The following CAMTA1 variants were observed in gnomAD, a reference collection of about 807,000 sequenced individuals.
CAMTA1 encodes the protein calmodulin-binding transcription activator 1.
Under a neutral mutation model 170.9 loss-of-function variants are expected in CAMTA1, and 27 were observed. That is an observed-to-expected ratio of 0.16 (90% confidence interval 0.12 to 0.22). The LOEUF (loss-of-function observed/expected upper bound fraction) is 0.22. Among genes scored for constraint, CAMTA1 ranks in the 10% least tolerant of loss-of-function variants. CAMTA1 has a pLI of 1.00. For missense variants in CAMTA1, 1,619 were observed against 2,217.2 expected (o/e 0.73, Z 5.42); for synonymous variants, 833 against 891.5 (o/e 0.93, Z 1.17).
intron 6 of CAMTA1, among the ~76,000 whole-genome samples, chr1:7,605,770 G>A (rs763826741): frequency 2.5e-4 from 38 of 152,310 alleles, no homozygotes; most frequent in Admixed American, 7.2e-4. Context: ...TGTCTTCTGC[G>A]TCGCTCATGC....
At chr1:6,826,898 A>C (rs1208668256) in intron 3 of CAMTA1, among the ~76,000 whole-genome samples, 1 of 152,236 alleles carries the variant, frequency 6.6e-6, no homozygotes, top group East Asian at 1.9e-4. Context: ...AACTTTTTGA[A>C]ACTTTTCAGC....
chr1:6,860,952 G>A (rs1320294065), intron 3 of CAMTA1, among the ~76,000 whole-genome samples: 12 of 150,298 alleles, frequency 8.0e-5, no homozygotes, highest in African/African-American at 2.9e-4. Context: ...GTCAGAAGTG[G>A]AGTGTGACTT....
chr1:7,256,459 CT>C lies in CAMTA1; in HGVS notation c.438+6834del, dbSNP rs1424488495. Among the ~76,000 whole-genome samples, 3 of 152,330 alleles carry C rather than the reference CT, an allele frequency of 2.0e-5. No homozygotes were observed. The East Asian group carries it at 5.8e-4, about 29-fold the overall frequency. On this transcript the variant is annotated intron_variant, in intron 5 of 22. Coordinates refer to ENST00000303635, the MANE Select transcript of CAMTA1 (RefSeq NM_015215.4). ...CCTATAGTCCCAGCTACTCGGGAGGCTGAGGCAGGAGAATGGCGTGAACCCG... is the reference window on the plus strand; with the variant it reads ...CCTATAGTCCCAGCTACTCGGGAGGCGAGGCAGGAGAATGGCGTGAACCCG...
In CAMTA1 at chr1:7,736,802, C is replaced by A; in HGVS notation, c.3264-129C>A. On this transcript the variant is annotated intron_variant, in intron 13 of 22. Transcript: ENST00000303635. The surrounding 1 kb of genome is among the most constrained non-coding windows in gnomAD (Gnocchi z 4.5). The stretch of plus-strand genomic sequence containing the variant: ...ATGGAGCGTCCACACTGCCCTGGGA[C>A]TCTGTTTCTTCACCATGGGGATGTT... 1 of 795,532 alleles carries A rather than the reference C, an allele frequency of 1.3e-6. No homozygotes were observed. 49.3% of individuals were successfully genotyped at this position (795,532 alleles called of 1,614,324 possible). A position where few individuals can be genotyped will look rare whatever the true frequency, so the allele number is the denominator to read the frequency against.
intron 9 of CAMTA1, among the ~76,000 whole-genome samples, chr1:7,669,826 C>T (rs1019118185): frequency 6.6e-6 from 1 of 152,210 alleles, no homozygotes; most frequent in Non-Finnish European, 1.5e-5. Flanking sequence ...TCCCTCTACT[C>T]AGTGACCAGC....
chr1:7,605,090 C>T (rs1477397796), intron 6 of CAMTA1, among the ~76,000 whole-genome samples: 1 of 152,150 alleles, frequency 6.6e-6, no homozygotes, highest in Non-Finnish European at 1.5e-5. Flanking sequence ...GTCAGTCTAC[C>T]CCTACTAGGG....
chr1:7,610,414 C>G (rs571665624), intron 6 of CAMTA1, among the ~76,000 whole-genome samples: 2 of 152,320 alleles, frequency 1.3e-5, no homozygotes, highest in African/African-American at 4.8e-5. Flanking sequence ...AAGGGAATTC[C>G]TAGTGTTGAG....
intron 3 of CAMTA1, among the ~76,000 whole-genome samples, chr1:6,917,649 G>A (rs1280934009): frequency 6.6e-6 from 1 of 152,096 alleles, no homozygotes; most frequent in South Asian, 2.1e-4. Context: ...GGAGAGTTCA[G>A]TTGGAGGCCG....
rs149451352 is a variant in CAMTA1, at chr1:6,910,974, T to C, written c.234+85764T>C. Reference sequence around the variant, plus strand: ...CCAGGGAGCTGTGTGTCCCCATTGCTCGCGTCCAGGATGTCATCCTAAATT... The same window carrying C: ...CCAGGGAGCTGTGTGTCCCCATTGCCCGCGTCCAGGATGTCATCCTAAATT... On this transcript the variant is annotated intron_variant, in intron 3 of 22. Coordinates refer to ENST00000303635, the MANE Select transcript of CAMTA1 (RefSeq NM_015215.4). Among the ~76,000 whole-genome samples the C allele has an allele frequency of 3.6e-3, 544 of 152,330 alleles. 4 individuals carry two copies. Among genetic ancestry groups the C allele is most frequent in the African/African-American group, 0.012 (517 of 41,586 alleles).
At chr1:7,430,404 C>T (rs1384391280) in intron 5 of CAMTA1, among the ~76,000 whole-genome samples, 2 of 148,712 alleles carry the variant, frequency 1.3e-5, no homozygotes, top group African/African-American at 2.5e-5. Flanking sequence ...GCTGCTGCTG[C>T]TCATCAGGAG....
In CAMTA1 at chr1:7,063,829, C is replaced by T. The variant is rs556451310; in HGVS notation, c.235-27475C>T. ...AATAAGTTGGGGACATTTTCTGCCT[C>T]CTGAAGTTCATATTTTGTTGGGGGA... is the stretch of plus-strand genomic sequence containing the variant. On this transcript the variant is annotated intron_variant, in intron 3 of 22. Transcript: ENST00000303635. This position sits in a 1 kb window ranked among gnomAD's most constrained non-coding sequence, Gnocchi z 4.3. 2.2e-4 allele frequency among the ~76,000 whole-genome samples: 34 copies of T among 152,302 alleles called. No individual in the cohort carries two copies. Among genetic ancestry groups the T allele is most frequent in the African/African-American group, 7.9e-4 (33 of 41,544 alleles).
At chr1:7,533,913 C>G (rs932676225) in intron 6 of CAMTA1, among the ~76,000 whole-genome samples, 6 of 151,810 alleles carry the variant, frequency 4.0e-5, no homozygotes, top group African/African-American at 1.5e-4. Flanking sequence ...GACCTTGTCC[C>G]CCCAAAAAAA....
At chr1:7,655,555 TACAC>T (rs1427064806) in intron 7 of CAMTA1, among the ~76,000 whole-genome samples, 1 of 141,796 alleles carries the variant, frequency 7.1e-6, no homozygotes, top group Non-Finnish European at 1.5e-5. Flanking sequence ...TGCACACCTA[TACAC>T]ACAAACACAC....
chr1:7,524,414 C>G (rs982312721), intron 6 of CAMTA1, among the ~76,000 whole-genome samples: 1 of 152,148 alleles, frequency 6.6e-6, no homozygotes. Flanking sequence ...TTTAGGCAAT[C>G]ATGTCATCTG....
intron 5 of CAMTA1, among the ~76,000 whole-genome samples, chr1:7,396,426 T>C (rs2089312219): frequency 6.6e-6 from 1 of 152,210 alleles, no homozygotes; most frequent in Non-Finnish European, 1.5e-5. Context: ...TTTATAGCAA[T>C]ACAAATAGAC....
Position 7,732,474 on chromosome 1 carries a change from G to A in CAMTA1, c.2941G>A (p.Glu981Lys). 1.2e-6 allele frequency: 2 copies of A among 1,614,056 alleles called. No individual in the cohort carries two copies. The highest frequency in any genetic ancestry group is 1.7e-6 in the Non-Finnish European group (2 of 1,180,012). ...DDNQFRMSIL[E>K]RLEQMERRMA... ...TAACCAGTTCAGGATGTCCATCCTG[G>A]AACGACTGGAGCAGATGGAGAGGAG... The change falls in exon 12 of 23, where the codon GAA becomes AAA. Residue 981 changes from glutamate (E) to lysine (K), a missense_variant. Physicochemically the swap from Glu to Lys is moderately conservative, Grantham distance 56. Around this residue, in one of 8 missense-constraint regions of CAMTA1, gnomAD observed 143 missense variants for 184.2 expected, o/e 0.78. Coordinates refer to ENST00000303635, the MANE Select transcript of CAMTA1 (RefSeq NM_015215.4). This position sits in a 1 kb window ranked among gnomAD's most constrained non-coding sequence, Gnocchi z 4.1.
At chr1:7,194,985 G>A (rs140386474) in intron 4 of CAMTA1, among the ~76,000 whole-genome samples, 4 of 152,320 alleles carry the variant, frequency 2.6e-5, no homozygotes, top group Admixed American at 2.0e-4. Context: ...AGTACGTGGA[G>A]CATCTCATGG....
At chr1:7,421,168 T>G (rs2091534930) in intron 5 of CAMTA1, among the ~76,000 whole-genome samples, 1 of 151,838 alleles carries the variant, frequency 6.6e-6, no homozygotes. Flanking sequence ...TTTTTTTTTT[T>G]TGAGTTGGAG....
Position 7,195,517 on chromosome 1 carries a change from C to T in CAMTA1, c.303-53974C>T, listed in dbSNP as rs1304358411. ...GAGCTTTCCTGTTACAGCATCATGG[C>T]CTCACCTGTCCTGACTGATGCAGGT... On this transcript the variant is annotated intron_variant, in intron 4 of 22. Coordinates refer to ENST00000303635, the MANE Select transcript of CAMTA1 (RefSeq NM_015215.4). This position sits in a 1 kb window ranked among gnomAD's most constrained non-coding sequence, Gnocchi z 4.1. Among the ~76,000 whole-genome samples the T allele has an allele frequency of 6.6e-6, 1 of 152,142 alleles. No individual in the cohort carries two copies.
Sources: allele counts gnomAD v4.1 joint callset (sites outside exome capture counted in the v4.1 genomes callset), GRCh38; gene constraint gnomAD v4.1.1; regional missense constraint gnomAD v4.1.1; non-coding constraint Gnocchi (gnomAD v3.1); transcripts MANE v1.5; gene names NCBI Gene and HGNC (gene_info 2026-07-23, HGNC 2026-07-21).